The following NUP88 variants were observed in gnomAD, a reference collection of about 807,000 sequenced individuals.
NUP88 encodes nuclear pore complex protein Nup88.
NUP88 carries 57 observed loss-of-function variants against 93.9 expected under a neutral mutation model. That is an observed-to-expected ratio of 0.61 (90% confidence interval 0.49 to 0.76). The LOEUF is 0.76. NUP88 is among the 30% of genes least tolerant of loss of function. NUP88 has a pLI of 0.00. For missense variants in NUP88, 911 were observed against 901.0 expected, an observed-to-expected ratio of 1.01 and a Z score of -0.14; for synonymous variants, 346 against 336.8, an observed-to-expected ratio of 1.03 and a Z score of -0.30.
intron 10 of NUP88, 185 bp downstream of exon 10, chr17:5,391,376 A>G (rs760005232): frequency 1.3e-5 from 7 of 548,442 alleles, no homozygotes; most frequent in Non-Finnish European, 2.3e-5. Context: ...CAGAAACTAT[A>G]CCTACAATGA....
chr17:5,393,279 T>C (rs1181439443), intron 9 of NUP88, among the ~76,000 whole-genome samples: 2 of 151,616 alleles, frequency 1.3e-5, no homozygotes, highest in Non-Finnish European at 2.9e-5. Flanking sequence ...TTTAAATTTT[T>C]TTGTAAAGGG....
At chr17:5,413,348 T>C (rs1452401283) in intron 3 of NUP88, among the ~76,000 whole-genome samples, 1 of 152,178 alleles carries the variant, frequency 6.6e-6, no homozygotes, top group East Asian at 1.9e-4. Context: ...GTATAAGACA[T>C]CATTAAGGGG....
In NUP88 at chr17:5,403,149, G is replaced by C. The variant is rs556739979; in HGVS notation, c.1192+950C>G. ...GCTTGAGGCCAGGAGTTTGAGACCA[G>C]CCTGGCCAACATGGTGAAATCCCAC... On this transcript the variant is annotated intron_variant, in intron 7 of 16. Coordinates refer to ENST00000573584, the MANE Select transcript of NUP88 (RefSeq NM_002532.6). 2.0e-5 allele frequency among the ~76,000 whole-genome samples: 3 copies of C among 152,238 alleles called. No individual in the cohort carries two copies. The South Asian group carries it at 6.2e-4, about 32-fold the overall frequency.
chr17:5,401,040 T>C (rs1321833797), intron 7 of NUP88, among the ~76,000 whole-genome samples: 2 of 152,124 alleles, frequency 1.3e-5, no homozygotes, highest in Non-Finnish European at 2.9e-5. Context: ...CCTATTATTA[T>C]GTATAAATAT....
At chr17:5,392,202 C>G in intron 9 of NUP88, among the ~76,000 whole-genome samples, 1 of 152,192 alleles carries the variant, frequency 6.6e-6, no homozygotes, top group East Asian at 1.9e-4. Flanking sequence ...GCCCATCCCA[C>G]CTGCATGCCT....
chr17:5,396,941 G>C (rs1441113762), intron 8 of NUP88, among the ~76,000 whole-genome samples: 1 of 151,956 alleles, frequency 6.6e-6, no homozygotes, highest in Non-Finnish European at 1.5e-5. Flanking sequence ...AAATGCTAAG[G>C]GTTCTTTATA....
intron 8 of NUP88, among the ~76,000 whole-genome samples, chr17:5,397,432 AGAGT>A (rs1912846352): frequency 6.6e-6 from 1 of 152,184 alleles, no homozygotes; most frequent in African/African-American, 2.4e-5. Flanking sequence ...AAAGTGAAAC[AGAGT>A]GATACAACAT....
In NUP88 at chr17:5,385,239, C is replaced by T. The variant is rs1376997496; in HGVS notation, c.*967G>A. ...ACTGTGTCACTGTCCAGGTAGGAAA[C>T]AATTCTTTCAACTGGGTTTTCAGCA... On this transcript the variant is annotated 3_prime_UTR_variant, in exon 17 of 17. Coordinates refer to ENST00000573584, the MANE Select transcript of NUP88 (RefSeq NM_002532.6). 4.3e-6 allele frequency: 1 copy of T among 230,238 alleles called. No individual in the cohort carries two copies. Among genetic ancestry groups the T allele is most frequent in the Non-Finnish European group, 8.6e-6 (1 of 116,342 alleles). 14.3% of individuals were successfully genotyped at this position (230,238 alleles called of 1,614,324 possible).
At chr17:5,400,068 G>C (rs1913047670) in intron 7 of NUP88, among the ~76,000 whole-genome samples, 1 of 114,720 alleles carries the variant, frequency 8.7e-6, no homozygotes, top group Admixed American at 8.7e-5. Flanking sequence ...CTGACACAGA[G>C]ACAGCACGTG....
chr17:5,395,918 T>C (rs578206443), intron 8 of NUP88, among the ~76,000 whole-genome samples: 297 of 152,286 alleles, frequency 2.0e-3, no homozygotes, highest in Non-Finnish European at 3.3e-3. Context: ...AGTGTAAGAA[T>C]TGTATACCTG....
intron 8 of NUP88, 53 bp downstream of exon 8, chr17:5,399,499 A>G: frequency 1.1e-6 from 1 of 904,340 alleles, no homozygotes; most frequent in South Asian, 1.5e-5. Context: ...AAATCTATTA[A>G]ATCTATTTTT....
intron 2 of NUP88, among the ~76,000 whole-genome samples, chr17:5,414,946 TAC>T (rs1202882922): frequency 2.6e-5 from 4 of 151,842 alleles, no homozygotes; most frequent in African/African-American, 9.7e-5. Context: ...CAGCTTGGGC[TAC>T]AGAGCCAGAC....
intron 4 of NUP88, 47 bp downstream of exon 4, chr17:5,410,656 C>G: frequency 8.5e-7 from 1 of 1,170,190 alleles, no homozygotes. Flanking sequence ...TTTATAATCC[C>G]AATAAGCTAA....
intron 8 of NUP88, among the ~76,000 whole-genome samples, chr17:5,398,399 C>T (rs1031000489): frequency 6.6e-6 from 1 of 151,318 alleles, no homozygotes; most frequent in African/African-American, 2.4e-5. Context: ...AGCGATTCTC[C>T]TGCCTCAGCC....
intron 8 of NUP88, 100 bp downstream of exon 8, chr17:5,399,452 T>C: frequency 1.6e-6 from 1 of 624,452 alleles, no homozygotes; most frequent in East Asian, 2.9e-5. Context: ...TTTCACTGAT[T>C]TTCTCTATCA....
intron 8 of NUP88, among the ~76,000 whole-genome samples, chr17:5,396,642 A>G (rs1024304288): frequency 5.3e-5 from 8 of 152,242 alleles, no homozygotes; most frequent in Non-Finnish European, 1.5e-5. Context: ...TCTCTTGGAA[A>G]TATACTCAGG....
intron 14 of NUP88, 138 bp from the exon 15 acceptor site, chr17:5,387,248 T>TC (rs1361101467): frequency 3.2e-6 from 4 of 1,250,798 alleles, no homozygotes; most frequent in Admixed American, 3.9e-5. Flanking sequence ...CCTCATGTTT[T>TC]CCCCAACATA....
At chr17:5,414,520 CTT>C (rs1053117260) in intron 2 of NUP88, among the ~76,000 whole-genome samples, 2 of 152,140 alleles carry the variant, frequency 1.3e-5, no homozygotes, top group African/African-American at 2.4e-5. Context: ...TTTTAACACT[CTT>C]TGATTCTCTT....
In NUP88 at chr17:5,404,205, A is replaced by T; in HGVS notation, c.1086T>A (p.Ser362=). The T allele has an allele frequency of 1.2e-6, 2 of 1,614,136 alleles. No individual in the cohort carries two copies. Among genetic ancestry groups the T allele is most frequent in the East Asian group, 2.2e-5 (1 of 44,886 alleles). ...SWDSRIDLIP[S]LYVFECVELE... The stretch of plus-strand genomic sequence containing the variant: ...ACTCAACACATTCAAACACATACAG[A>T]GAAGGAATGAGGTCAATCCTGGAAT... Residue 362 remains serine, a synonymous_variant, in exon 7 of 17, where the codon TCT becomes TCA. Coordinates refer to ENST00000573584, the MANE Select transcript of NUP88 (RefSeq NM_002532.6).
Sources: gnomAD v4.1 joint callset for allele counts (sites outside exome capture counted in the v4.1 genomes callset) on GRCh38, gnomAD v4.1.1 for gene constraint, MANE v1.5 for transcripts, NCBI Gene and HGNC (gene_info 2026-07-23, HGNC 2026-07-21) for gene names.